AGAP1: variants seen among roughly 807,000 people sequenced by gnomAD.
The protein encoded by AGAP1 is arf-GAP with GTPase, ANK repeat and PH domain-containing protein 1.
Under a neutral mutation model 105.3 loss-of-function variants are expected in AGAP1, and 29 were observed. That is an observed-to-expected ratio of 0.28 (90% CI 0.21 to 0.38). AGAP1 has a LOEUF of 0.38. Ranked by LOEUF, AGAP1 falls within the 10% of genes least tolerant of loss-of-function variation. The pLI, the probability that AGAP1 is intolerant of heterozygous loss-of-function variation, is 1.00. For synonymous variants in AGAP1, 509 were observed against 485.9 expected, an observed-to-expected ratio of 1.05 and a Z score of -0.63; for missense variants, 998 against 1,165.1, an observed-to-expected ratio of 0.86 and a Z score of 2.09.
rs561214800 is a variant in AGAP1, at chr2:235,621,395, T to A, written c.164-87784T>A. Among the ~76,000 whole-genome samples, 1 of 152,320 alleles carries A rather than the reference T, an allele frequency of 6.6e-6. No homozygotes were observed. Among genetic ancestry groups the A allele is most frequent in the South Asian group, 2.1e-4 (1 of 4,828 alleles). ...AATGGGTATGTTAACAGTCTCTACC[T>A]CCCAGAGTGGTTGGGGTTACGTGAA... On this transcript the variant is annotated intron_variant, in intron 1 of 17. Transcript: ENST00000304032. The surrounding 1 kb of genome is among the most constrained non-coding windows in gnomAD (Gnocchi z 4.1).
rs187695910 is a variant in AGAP1, at chr2:235,631,501, G to T, written c.164-77678G>T. ...GGACTGCGTGGTCCTGGTTATACCTGCTGGTCAAAGGTCAGTCTGCCAAGG... is the reference window on the plus strand; with the variant it reads ...GGACTGCGTGGTCCTGGTTATACCTTCTGGTCAAAGGTCAGTCTGCCAAGG... On this transcript the variant is annotated intron_variant, in intron 1 of 17. Transcript: ENST00000304032. This position sits in a 1 kb window ranked among gnomAD's most constrained non-coding sequence, Gnocchi z 5.4. Among the ~76,000 whole-genome samples the T allele has an allele frequency of 5.1e-4, 77 of 152,310 alleles. No individual in the cohort carries two copies. The highest frequency in any genetic ancestry group is 1.0e-3 in the Non-Finnish European group (68 of 68,024).
chr2:235,807,352 T>C (rs1236354797), intron 9 of AGAP1, 21 bp downstream of exon 9: 1 of 1,565,988 alleles, frequency 6.4e-7, no homozygotes, highest in Non-Finnish European at 8.6e-7. Context: ...TCCCCATCCT[T>C]CCCTCCCTGT....
At chr2:235,514,146 A>G (rs945781533) in intron 1 of AGAP1, among the ~76,000 whole-genome samples, 13 of 122,514 alleles carry the variant, frequency 1.1e-4, no homozygotes, top group African/African-American at 4.3e-4. Flanking sequence ...GTGCCAGTGC[A>G]TGCGCGTGCG....
At chr2:236,007,111 G>C (rs1418499345) in intron 13 of AGAP1, among the ~76,000 whole-genome samples, 3 of 152,158 alleles carry the variant, frequency 2.0e-5, no homozygotes, top group Non-Finnish European at 4.4e-5. Flanking sequence ...AGCAAGAAGA[G>C]CCCAAAGTTG....
At chr2:235,673,507 AAC>A (rs1299696922) in intron 1 of AGAP1, among the ~76,000 whole-genome samples, 1 of 152,208 alleles carries the variant, frequency 6.6e-6, no homozygotes, top group Non-Finnish European at 1.5e-5. Context: ...GCCCTTTAGT[AAC>A]ACACTAGTAT....
chr2:236,091,130 G>A (rs1212945621), intron 16 of AGAP1, among the ~76,000 whole-genome samples: 2 of 152,210 alleles, frequency 1.3e-5, no homozygotes, highest in Non-Finnish European at 2.9e-5. Flanking sequence ...ACGTGCATGC[G>A]TGTTTGCATA....
intron 16 of AGAP1, among the ~76,000 whole-genome samples, chr2:236,071,447 GC>G (rs975590202): frequency 2.6e-5 from 4 of 152,128 alleles, no homozygotes; most frequent in African/African-American, 9.7e-5. Context: ...GGGTGGCAGG[GC>G]CTGACCCCAA....
In AGAP1 at chr2:236,051,833, C is replaced by T. The variant is rs898436299; in HGVS notation, c.2114+2552C>T. 4.6e-5 allele frequency among the ~76,000 whole-genome samples: 7 copies of T among 152,132 alleles called. No individual in the cohort carries two copies. The highest frequency in any genetic ancestry group is 7.4e-5 in the Non-Finnish European group (5 of 68,004). On this transcript the variant is annotated intron_variant, in intron 16 of 17. Transcript: ENST00000304032. This position sits in a 1 kb window ranked among gnomAD's most constrained non-coding sequence, Gnocchi z 5.9. ...AAGGCCAGGGTCCTGGTGGAGCATG[C>T]GGGAAGCCTTAACTACACTGTCCAA...
In AGAP1 at chr2:236,058,694, A is replaced by G. The variant is rs1186900621; in HGVS notation, c.2114+9413A>G. ...GACAAGAATGTCACCAGATCTGTTC[A>G]GCATTATACTGGAGGTTCAAGCCAG... On this transcript the variant is annotated intron_variant, in intron 16 of 17. Coordinates refer to ENST00000304032, the MANE Select transcript of AGAP1 (RefSeq NM_001037131.3). The surrounding 1 kb of genome is among the most constrained non-coding windows in gnomAD (Gnocchi z 4.6). Among the ~76,000 whole-genome samples the G allele has an allele frequency of 1.3e-5, 2 of 152,350 alleles. No homozygotes were observed. The highest frequency in any genetic ancestry group is 4.8e-5 in the African/African-American group (2 of 41,580).
rs2049069401 is a variant in AGAP1 at position 235,864,529 on chromosome 2, A to G, written c.1051-18816A>G. ...TTTCCGCTCCACTGCGCGGCCCCGG[A>G]GCCCCCAAACGCAGGTCAGCATGGA... On this transcript the variant is annotated intron_variant, in intron 9 of 17. Coordinates refer to ENST00000304032, the MANE Select transcript of AGAP1 (RefSeq NM_001037131.3). This position sits in a 1 kb window ranked among gnomAD's most constrained non-coding sequence, Gnocchi z 5.0. 6.6e-6 allele frequency among the ~76,000 whole-genome samples: 1 copy of G among 152,180 alleles called. No homozygotes were observed. The highest frequency in any genetic ancestry group is 2.1e-4 in the South Asian group (1 of 4,826).
intron 10 of AGAP1, among the ~76,000 whole-genome samples, chr2:235,897,775 T>C (rs1307080441): frequency 1.3e-5 from 2 of 152,206 alleles, no homozygotes; most frequent in African/African-American, 4.8e-5. Flanking sequence ...TTCTTTTACT[T>C]CTACTAAGAA....
chr2:235,653,223 T>TGG (rs1947656505), intron 1 of AGAP1, among the ~76,000 whole-genome samples: 1 of 152,246 alleles, frequency 6.6e-6, no homozygotes, highest in African/African-American at 2.4e-5. Flanking sequence ...CCCAGCACTT[T>TGG]GGGAGGCCAA....
intron 1 of AGAP1, among the ~76,000 whole-genome samples, chr2:235,591,151 GAT>G (rs1945326980): frequency 1.3e-5 from 2 of 152,142 alleles, no homozygotes; most frequent in African/African-American, 4.8e-5. Context: ...GAGTAGCTGG[GAT>G]TACAGGCACC....
At position 235,739,717 on chromosome 2, in the gene AGAP1, A is replaced by C. The variant is rs1190374215; in HGVS notation, c.311-1246A>C. ...GGGCCAACGCCCCACTGCCCCAGTCAGCCCTCTGTGGCCTCAGAGGGTAGC... is the reference window on the plus strand; with the variant it reads ...GGGCCAACGCCCCACTGCCCCAGTCCGCCCTCTGTGGCCTCAGAGGGTAGC... On this transcript the variant is annotated intron_variant, in intron 3 of 17. Transcript: ENST00000304032. The surrounding 1 kb of genome is among the most constrained non-coding windows in gnomAD (Gnocchi z 5.3). Among the ~76,000 whole-genome samples the C allele has an allele frequency of 6.6e-6, 1 of 152,254 alleles. No homozygotes were observed. The highest frequency in any genetic ancestry group is 1.5e-5 in the Non-Finnish European group (1 of 68,040).
intron 6 of AGAP1, among the ~76,000 whole-genome samples, chr2:235,755,059 G>T (rs530329687): frequency 6.6e-6 from 1 of 152,138 alleles, no homozygotes; most frequent in African/African-American, 2.4e-5. Flanking sequence ...GTACCCAACC[G>T]TTTGGATTCT....
rs1355029257 is a variant in AGAP1 at position 236,038,096 on chromosome 2, G to A, written c.1800+1381G>A. 6.6e-6 allele frequency among the ~76,000 whole-genome samples: 1 copy of A among 152,184 alleles called. No individual in the cohort carries two copies. The highest frequency in any genetic ancestry group is 2.4e-5 in the African/African-American group (1 of 41,460). ...TAATTTGCTTCCCTTTTTAAAAGAT[G>A]TTTTATACTCAAGGTGGGGAGAACC... On this transcript the variant is annotated intron_variant, in intron 14 of 17. Coordinates refer to ENST00000304032, the MANE Select transcript of AGAP1 (RefSeq NM_001037131.3). This position sits in a 1 kb window ranked among gnomAD's most constrained non-coding sequence, Gnocchi z 4.5.
At chr2:236,033,570 C>T (rs1307839760) in intron 13 of AGAP1, among the ~76,000 whole-genome samples, 1 of 152,206 alleles carries the variant, frequency 6.6e-6, no homozygotes, top group Non-Finnish European at 1.5e-5. Flanking sequence ...TTCAGATTTC[C>T]ATTGTTTTTA....
intron 1 of AGAP1, among the ~76,000 whole-genome samples, chr2:235,666,893 C>G (rs1248890579): frequency 6.6e-6 from 1 of 151,986 alleles, no homozygotes; most frequent in Non-Finnish European, 1.5e-5. Context: ...TTGCCCTGGT[C>G]TCAAACAGTG....
rs950325105 is a variant in AGAP1 at position 235,517,469 on chromosome 2, T to C, written c.163+22620T>C. On this transcript the variant is annotated intron_variant, in intron 1 of 17. Coordinates refer to ENST00000304032, the MANE Select transcript of AGAP1 (RefSeq NM_001037131.3). This position sits in a 1 kb window ranked among gnomAD's most constrained non-coding sequence, Gnocchi z 4.1. ...TAGCTGTGCCCAACGTAGATCTTTA[T>C]GGTAATTTTATTTTAATTGAGGTCG... 2.0e-5 allele frequency among the ~76,000 whole-genome samples: 3 copies of C among 152,162 alleles called. No individual in the cohort carries two copies. The highest frequency in any genetic ancestry group is 7.2e-5 in the African/African-American group (3 of 41,432).
Sources: allele counts gnomAD v4.1 joint callset (sites outside exome capture counted in the v4.1 genomes callset), GRCh38; gene constraint gnomAD v4.1.1; non-coding constraint Gnocchi (gnomAD v3.1); transcripts MANE v1.5; gene names NCBI Gene and HGNC (gene_info 2026-07-23, HGNC 2026-07-21).